Variants in ELF1 observed in about 807,000 individuals in gnomAD.
ELF1 encodes ETS-related transcription factor Elf-1.
ELF1 carries 24 observed loss-of-function variants against 59.9 expected under a neutral mutation model. The ratio of observed to expected loss-of-function variants is 0.40; its 90% CI spans 0.29 to 0.56. The LOEUF is 0.56. Ranked by LOEUF, ELF1 falls within the 20% of genes least tolerant of loss-of-function variation. The pLI is 0.44. For missense variants in ELF1, 627 were observed against 742.2 expected (o/e 0.84, Z 1.80); for synonymous variants, 248 against 266.2 (o/e 0.93, Z 0.67).
At chr13:40,936,765 AAAAAAAAAAAAAGAAAAAAAAG>A (rs1869803024) in intron 8 of ELF1, among the ~76,000 whole-genome samples, 1 of 149,678 alleles carries the variant, frequency 6.7e-6, no homozygotes, top group Non-Finnish European at 1.5e-5. Flanking sequence ...CGTCTCAAAA[AAAAAAAAAAAAAGAAAAAAAAG>A]AAAAAAAAAA....
At chr13:41,057,814 A>C (rs1877344036) in intron 1 of ELF1, among the ~76,000 whole-genome samples, 1 of 152,190 alleles carries the variant, frequency 6.6e-6, no homozygotes, top group Non-Finnish European at 1.5e-5. Flanking sequence ...AAGCGTTAAG[A>C]ATGAATCCTC....
intron 1 of ELF1, among the ~76,000 whole-genome samples, chr13:41,056,213 T>C (rs989156027): frequency 1.3e-5 from 2 of 152,212 alleles, no homozygotes; most frequent in African/African-American, 4.8e-5. Context: ...ATTTTCCCTC[T>C]TTCTCTATAG....
chr13:40,949,806 CT>C lies in ELF1; in HGVS notation c.528del (p.Gly177GlufsTer20). On this transcript the variant is annotated frameshift_variant and splice_region_variant, in exon 5 of 9. Transcript: ENST00000239882. LOFTEE classifies it high-confidence loss of function. The part of the protein sequence containing the change: ...ASSPEQPKRK[K>X]GRKTKPPRPD... The stretch of plus-strand genomic sequence containing the variant: ...GCCCTAAACAAAGTAACCCACCTAC[CT>C]TTTTTCCTCTTAGGCTGTTCTGGTG... 6.2e-7 allele frequency: 1 copy of C among 1,613,304 alleles called. No individual in the cohort carries two copies. The highest frequency in any genetic ancestry group is 8.5e-7 in the Non-Finnish European group (1 of 1,179,676).
At position 40,933,653 on chromosome 13, in the gene ELF1, C is replaced by G. The variant is rs1023673988; in HGVS notation, c.1632G>C (p.Leu544=). The G allele has an allele frequency of 3.7e-6, 6 of 1,614,194 alleles. No individual in the cohort carries two copies. The highest frequency in any genetic ancestry group is 1.3e-5 in the African/African-American group (1 of 75,056). ...TTACAGTGCCAGGTGGGTGAGCAAC[C>G]AGCTGTGAACTGCGAGGAGAAAAGG... The part of the protein sequence containing the change: ...VVTFSPRSSQ[L]VAHPPGTVIT... Residue 544 remains leucine, a synonymous_variant, in exon 9 of 9, where the codon CTG becomes CTC. Transcript: ENST00000239882.
intron 1 of ELF1, among the ~76,000 whole-genome samples, chr13:41,035,407 CTT>C (rs373705779): frequency 6.7e-6 from 1 of 148,786 alleles, no homozygotes; most frequent in Admixed American, 6.7e-5. Context: ...AATGATAAAC[CTT>C]TTTTTTTTCC....
At chr13:41,034,717 C>A (rs1876302247) in intron 1 of ELF1, among the ~76,000 whole-genome samples, 1 of 148,660 alleles carries the variant, frequency 6.7e-6, no homozygotes, top group South Asian at 2.2e-4. Context: ...ACAATTCTAT[C>A]ATTTGATTTC....
chr13:41,022,942 A>G (rs1456507273), upstream of ELF1, among the ~76,000 whole-genome samples: 2 of 152,168 alleles, frequency 1.3e-5, no homozygotes, highest in African/African-American at 2.4e-5. Flanking sequence ...AGAAAGAAAG[A>G]AAGGAAGGGA....
intron 8 of ELF1, among the ~76,000 whole-genome samples, chr13:40,934,642 A>C (rs1161776579): frequency 6.6e-6 from 1 of 152,028 alleles, no homozygotes; most frequent in South Asian, 2.1e-4. Flanking sequence ...CTGGTCTCAA[A>C]GTCCTGACCT....
At chr13:41,011,149 A>T (rs1875040071) in intron 1 of ELF1, among the ~76,000 whole-genome samples, 2 of 152,252 alleles carry the variant, frequency 1.3e-5, no homozygotes, top group African/African-American at 4.8e-5. Flanking sequence ...GTTAGATTCA[A>T]CAATCTATTA....
intron 1 of ELF1, among the ~76,000 whole-genome samples, chr13:41,014,261 G>A (rs1875234641): frequency 6.6e-6 from 1 of 152,148 alleles, no homozygotes; most frequent in Non-Finnish European, 1.5e-5. Flanking sequence ...ATATCACTTT[G>A]ATAGCTTTTA....
intron 1 of ELF1, among the ~76,000 whole-genome samples, chr13:41,045,278 T>G (rs1275464117): frequency 6.6e-6 from 1 of 152,162 alleles, no homozygotes; most frequent in African/African-American, 2.4e-5. Flanking sequence ...GAAGGGTTTT[T>G]TATGTCTCCA....
At chr13:41,050,626 G>A (rs559347646) in intron 1 of ELF1, among the ~76,000 whole-genome samples, 489 of 152,146 alleles carry the variant, frequency 3.2e-3, no homozygotes, top group African/African-American at 0.011. Context: ...GCACAATCTC[G>A]GATCGCTGCA....
At chr13:41,020,975 C>T (rs1328586924), upstream of ELF1, among the ~76,000 whole-genome samples, 3 of 151,990 alleles carry the variant, frequency 2.0e-5, no homozygotes, top group Non-Finnish European at 1.5e-5. Context: ...ATTAAAAAAA[C>T]CCACCTTACA....
intron 1 of ELF1, among the ~76,000 whole-genome samples, chr13:41,018,217 T>G (rs1875531576): frequency 6.6e-6 from 1 of 152,176 alleles, no homozygotes; most frequent in Non-Finnish European, 1.5e-5. Flanking sequence ...GTTTCAGAAA[T>G]AAAATACTAC....
At chr13:40,940,611 T>G (rs1365375214) in intron 8 of ELF1, among the ~76,000 whole-genome samples, 1 of 152,162 alleles carries the variant, frequency 6.6e-6, no homozygotes, top group African/African-American at 2.4e-5. Flanking sequence ...TGACTTGGCC[T>G]GAATAAAGAT....
chr13:40,964,165 A>T (rs1478840147), intron 2 of ELF1, among the ~76,000 whole-genome samples: 1 of 152,210 alleles, frequency 6.6e-6, no homozygotes, highest in Admixed American at 6.5e-5. Flanking sequence ...AGAACCACAC[A>T]TTCTACAATT....
chr13:41,005,424 TC>T (rs1210145304), intron 1 of ELF1, among the ~76,000 whole-genome samples: 4 of 82,760 alleles, frequency 4.8e-5, no homozygotes, highest in Non-Finnish European at 8.7e-5. Flanking sequence ...TATGTGACCC[TC>T]CCCCCAACCT....
chr13:41,016,089 A>G (rs1304962575), intron 1 of ELF1, among the ~76,000 whole-genome samples: 1 of 152,174 alleles, frequency 6.6e-6, no homozygotes, highest in Non-Finnish European at 1.5e-5. Flanking sequence ...TCTCTAGGCA[A>G]TCTGAATCTG....
At chr13:41,022,363 CAG>C (rs1277324347), upstream of ELF1, among the ~76,000 whole-genome samples, 1 of 152,084 alleles carries the variant, frequency 6.6e-6, no homozygotes, top group Admixed American at 6.5e-5. Context: ...AAAGGCAAAA[CAG>C]AAGGCACAGA....
Sources: gnomAD v4.1 joint callset for allele counts (sites outside exome capture counted in the v4.1 genomes callset) on GRCh38, gnomAD v4.1.1 for gene constraint, MANE v1.5 for transcripts, NCBI Gene and HGNC (gene_info 2026-07-23, HGNC 2026-07-21) for gene names.